The following USH2A variants were observed in gnomAD, a reference collection of about 807,000 sequenced individuals.
USH2A encodes Usher syndrome 2A (autosomal recessive, mild).
Under a neutral mutation model 538.9 loss-of-function variants are expected in USH2A, and 443 were observed. The observed-to-expected ratio is 0.82, with a 90% CI of 0.76 to 0.89. The LOEUF (loss-of-function observed/expected upper bound fraction) is 0.89. Among genes scored for constraint, USH2A ranks in the 40% least tolerant of loss-of-function variants. The pLI is 0.00. For missense variants in USH2A, 6,633 were observed against 6,324.8 expected (o/e 1.05, Z -1.65); for synonymous variants, 2,413 against 2,273.5 (o/e 1.06, Z -1.75).
At chr1:215,869,697 T>A (rs1044518268) in intron 43 of USH2A, among the ~76,000 whole-genome samples, 1 of 152,220 alleles carries the variant, frequency 6.6e-6, no homozygotes, top group African/African-American at 2.4e-5. Context: ...CTATAATATG[T>A]AAATTTTTCT....
intron 68 of USH2A, 89 bp from the exon 69 acceptor site, chr1:215,639,327 A>G (rs77383233): frequency 1.6e-6 from 2 of 1,248,766 alleles, no homozygotes; most frequent in Admixed American, 1.7e-5. Flanking sequence ...GCATCATAGC[A>G]TGAAAAATAG....
chr1:216,174,779 A>G, intron 21 of USH2A: 1 of 997,802 alleles, frequency 1.0e-6, no homozygotes. Context: ...AAGAGAAAGA[A>G]AAAGAAAACA....
intron 21 of USH2A, among the ~76,000 whole-genome samples, chr1:216,127,000 C>T (rs1045787476): frequency 2.6e-5 from 4 of 152,124 alleles, no homozygotes; most frequent in Admixed American, 2.0e-4. Context: ...TTACAAATAG[C>T]ACTGCAAAGA....
chr1:216,290,453 T>G (rs1287230144), intron 10 of USH2A, among the ~76,000 whole-genome samples: 2 of 152,288 alleles, frequency 1.3e-5, no homozygotes, highest in East Asian at 3.9e-4. Flanking sequence ...ATGTACCAAA[T>G]ACTGTGCTAA....
intron 32 of USH2A, among the ~76,000 whole-genome samples, chr1:216,023,240 C>A (rs1347916100): frequency 6.6e-6 from 1 of 151,836 alleles, no homozygotes; most frequent in East Asian, 1.9e-4. Flanking sequence ...CTTCAAGGTA[C>A]AATCAATGGG....
chr1:216,244,884 A>G (rs2036006350), intron 13 of USH2A, among the ~76,000 whole-genome samples: 1 of 152,164 alleles, frequency 6.6e-6, no homozygotes, highest in South Asian at 2.1e-4. Flanking sequence ...TTAAAGTTAG[A>G]CTGGAACAGT....
At position 215,920,764 on chromosome 1, in the gene USH2A, T is replaced by A. The variant is rs74851622; in HGVS notation, c.7300+13852A>T. 3.3e-3 allele frequency among the ~76,000 whole-genome samples: 507 copies of A among 152,192 alleles called. 4 individuals are homozygous for A. Among genetic ancestry groups the A allele is most frequent in the African/African-American group, 0.012 (489 of 41,560 alleles). On this transcript the variant is annotated intron_variant, in intron 38 of 71. Transcript: ENST00000307340. ...GCACAGTCTAAGATACACGCTTACT[T>A]GATTTATAGCATCAACCATGGGAAT...
At chr1:216,196,517 C>G (rs1265485560) in intron 19 of USH2A, 36 bp downstream of exon 19, 2 of 1,611,914 alleles carry the variant, frequency 1.2e-6, no homozygotes, top group South Asian at 1.1e-5. Flanking sequence ...AGCCCTAAGC[C>G]AATTCTGAAA....
At chr1:216,221,081 T>A (rs950522079) in intron 14 of USH2A, among the ~76,000 whole-genome samples, 39 of 152,094 alleles carry the variant, frequency 2.6e-4, no homozygotes, top group African/African-American at 8.7e-4. Flanking sequence ...ATTCAGTAAA[T>A]ATTGTCGGAT....
At chr1:215,909,780 AG>A (rs1408209156) in intron 38 of USH2A, among the ~76,000 whole-genome samples, 1 of 151,962 alleles carries the variant, frequency 6.6e-6, no homozygotes, top group Middle Eastern at 3.2e-3. Flanking sequence ...AGCAGACCCA[AG>A]GCAGAAGCCT....
chr1:216,390,271 G>A (rs570346579), intron 3 of USH2A, among the ~76,000 whole-genome samples: 1 of 152,218 alleles, frequency 6.6e-6, no homozygotes, highest in African/African-American at 2.4e-5. Flanking sequence ...GTCAAATAAA[G>A]GGATTCCAAA....
chr1:215,794,144 A>G (rs535381564), intron 50 of USH2A, among the ~76,000 whole-genome samples: 2 of 152,284 alleles, frequency 1.3e-5, no homozygotes, highest in South Asian at 4.1e-4. Flanking sequence ...AGAGAGCACT[A>G]AAAACATAAA....
chr1:216,095,441 T>C (rs2032419244), intron 22 of USH2A, among the ~76,000 whole-genome samples: 1 of 152,220 alleles, frequency 6.6e-6, no homozygotes, highest in Non-Finnish European at 1.5e-5. Context: ...TTTTTTTCAG[T>C]TGCCATCTGT....
chr1:216,135,813 A>C (rs1026280974), intron 21 of USH2A, among the ~76,000 whole-genome samples: 1 of 152,154 alleles, frequency 6.6e-6, no homozygotes, highest in Non-Finnish European at 1.5e-5. Context: ...ACAGAAAAAT[A>C]AAATGAATGA....
At chr1:215,641,978 T>C (rs1192600494) in intron 67 of USH2A, among the ~76,000 whole-genome samples, 1 of 152,228 alleles carries the variant, frequency 6.6e-6, no homozygotes, top group Non-Finnish European at 1.5e-5. Context: ...TCTATTGTTA[T>C]TTGTCTATGA....
intron 35 of USH2A, among the ~76,000 whole-genome samples, chr1:215,990,666 A>T (rs1378553166): frequency 1.3e-5 from 2 of 152,074 alleles, no homozygotes; most frequent in South Asian, 4.1e-4. Flanking sequence ...GAATGATTTC[A>T]TGGAATAAGA....
intron 61 of USH2A, among the ~76,000 whole-genome samples, chr1:215,703,802 C>G (rs1659102233): frequency 6.6e-6 from 1 of 152,110 alleles, no homozygotes; most frequent in African/African-American, 2.4e-5. Flanking sequence ...GGCTTCAGCC[C>G]CCTTTTCAGG....
At chr1:215,646,582 A>G (rs1656859167) in intron 67 of USH2A, among the ~76,000 whole-genome samples, 1 of 152,012 alleles carries the variant, frequency 6.6e-6, no homozygotes, top group African/African-American at 2.4e-5. Flanking sequence ...GCTGGAGTAC[A>G]GTGGCGTGAT....
At chr1:216,241,835 A>G (rs1224459360) in intron 13 of USH2A, among the ~76,000 whole-genome samples, 3 of 152,160 alleles carry the variant, frequency 2.0e-5, no homozygotes, top group African/African-American at 7.2e-5. Context: ...TGCGGCCATT[A>G]GGAGAATAAC....
Sources: allele counts gnomAD v4.1 joint callset (sites outside exome capture counted in the v4.1 genomes callset), GRCh38; gene constraint gnomAD v4.1.1; transcripts MANE v1.5; gene names NCBI Gene and HGNC (gene_info 2026-07-23, HGNC 2026-07-21).